Variants in CSF1R observed in about 807,000 individuals in gnomAD.
The protein encoded by CSF1R is colony stimulating factor 1 receptor.
A neutral mutation model predicts 110.0 loss-of-function variants in CSF1R; 40 were observed. The ratio of observed to expected loss-of-function variants is 0.36; its 90% confidence interval spans 0.28 to 0.47. The LOEUF is 0.47. Ranked by LOEUF, CSF1R falls within the 20% of genes least tolerant of loss-of-function variation. CSF1R has a pLI of 0.99. For missense variants in CSF1R, 1,052 were observed against 1,253.0 expected (o/e 0.84, Z 2.42); for synonymous variants, 523 against 503.4 (o/e 1.04, Z -0.52).
At position 150,070,199 on chromosome 5, in the gene CSF1R, G is replaced by A. The variant is rs369184681; in HGVS notation, c.1302C>T (p.Cys434=). ...CCACTTACCTATCAGTGTGGCCACT[G>A]CACTGCAGCCATGTCACGTTGGGCT... ...YPQPNVTWLQ[C]SGHTDRCDEA... is the part of the protein sequence containing the mutation. Residue 434 remains cysteine, a synonymous_variant, in exon 8 of 21, where the codon TGC becomes TGT. Coordinates refer to ENST00000675795, the MANE Select transcript of CSF1R (RefSeq NM_001288705.3). 3.9e-5 allele frequency: 63 copies of A among 1,613,962 alleles called. No individual in the cohort carries two copies. The highest frequency in any genetic ancestry group is 5.2e-5 in the Non-Finnish European group (61 of 1,180,002).
At position 150,060,936 on chromosome 5, in the gene CSF1R, G is replaced by A; in HGVS notation, c.1895C>T (p.Ser632Phe). The change falls in exon 13 of 21, where the codon TCC becomes TTC. Residue 632 changes from serine (S) to phenylalanine (F), a missense_variant. Ser to Phe is a radical substitution (Grantham distance 155). This residue lies in a region of CSF1R where 76 missense variants were observed against 133.6 expected (regional missense o/e 0.57). Coordinates refer to ENST00000675795, the MANE Select transcript of CSF1R (RefSeq NM_001288705.3). ...CAGGTGGCTCATGATCTTCAGCTCG[G>A]ACATGAGGGCCTCCTTCTCATCAGC... ...AHADEKEALM[S>F]ELKIMSHLGQ... 1.9e-6 allele frequency: 3 copies of A among 1,609,436 alleles called. No individual in the cohort carries two copies. Among genetic ancestry groups the A allele is most frequent in the Non-Finnish European group, 2.5e-6 (3 of 1,177,830 alleles).
At chr5:150,088,374 A>G (rs535121321), upstream of CSF1R, among the ~76,000 whole-genome samples, 3 of 152,336 alleles carry the variant, frequency 2.0e-5, no homozygotes, top group Admixed American at 6.5e-5. Flanking sequence ...ATTAATACCA[A>G]TCCTTTTCAA....
chr5:150,053,679 G>GC lies in CSF1R; in HGVS notation c.*389dup. The GC allele has an allele frequency of 3.0e-6, 1 of 338,258 alleles. No individual in the cohort carries two copies. The highest frequency in any genetic ancestry group is 5.5e-6 in the Non-Finnish European group (1 of 181,498). 21.0% of individuals were successfully genotyped at this position (338,258 alleles called of 1,614,324 possible). ...ATCTCACTCTCTGCCAGTCTGTCTA[G>GC]CCCCAAAGAGCCTGGTTTTCTCAGT... On this transcript the variant is annotated 3_prime_UTR_variant, in exon 21 of 21. Coordinates refer to ENST00000675795, the MANE Select transcript of CSF1R (RefSeq NM_001288705.3).
chr5:150,062,691 A>G (rs533368109), intron 10 of CSF1R, among the ~76,000 whole-genome samples: 161 of 152,350 alleles, frequency 1.1e-3, no homozygotes, highest in Non-Finnish European at 1.5e-3. Flanking sequence ...TGAACAGGAC[A>G]AAGTCCCTGC....
chr5:150,107,617 C>G (rs538327859), intron 1 of CSF1R, among the ~76,000 whole-genome samples: 2 of 152,328 alleles, frequency 1.3e-5, no homozygotes, highest in Admixed American at 1.3e-4. Context: ...ACCCTGGAAC[C>G]CAGAGCCAGA....
chr5:150,069,696 G>A (rs1757942999), intron 9 of CSF1R, among the ~76,000 whole-genome samples, 177 bp downstream of exon 9: 1 of 152,108 alleles, frequency 6.6e-6, no homozygotes, highest in Non-Finnish European at 1.5e-5. Context: ...CGGGGGACCT[G>A]CCAGGCAGGA....
chr5:150,054,424 G>T lies in CSF1R; in HGVS notation c.2661C>A (p.Ser887Arg). ...CCAAGGCCCAGCAGGCCTGCATGAT[G>T]CTGTATCTGGGAGATAGGACAGAGG... ...QPAFAPKNIY[S>R]IMQACWALEP... Residue 887 changes from serine to arginine, a missense_variant, in exon 20 of 21, where the codon AGC becomes AGA. Transcript: ENST00000675795. 1 of 1,611,918 alleles carries T rather than the reference G, an allele frequency of 6.2e-7. No individual in the cohort carries two copies. Among genetic ancestry groups the T allele is most frequent in the Non-Finnish European group, 8.5e-7 (1 of 1,178,886 alleles).
intron 5 of CSF1R, among the ~76,000 whole-genome samples, chr5:150,074,280 C>T (rs1317226762): frequency 2.0e-5 from 3 of 147,468 alleles, no homozygotes; most frequent in Admixed American, 6.8e-5. Context: ...GTTTCTATTA[C>T]TTGTATCTGA....
chr5:150,077,230 T>G (rs749335942), intron 5 of CSF1R, 46 bp downstream of exon 5: 5 of 1,612,366 alleles, frequency 3.1e-6, no homozygotes, highest in Non-Finnish European at 3.4e-6. Context: ...CTGCTCACAC[T>G]CCTGCAGGAT....
chr5:150,080,712 A>G (rs1327879589), intron 2 of CSF1R, 55 bp downstream of exon 2: 18 of 1,605,290 alleles, frequency 1.1e-5, no homozygotes, highest in Non-Finnish European at 4.3e-6. Flanking sequence ...TTTAGGGCCC[A>G]TTGTAGTGGG....
At position 150,061,639 on chromosome 5, in the gene CSF1R, C is replaced by T. The variant is rs189032271; in HGVS notation, c.1754-44G>A. The T allele has an allele frequency of 1.8e-4, 289 of 1,613,996 alleles. No homozygotes were observed. The East Asian group carries it at 3.9e-3, about 22-fold the overall frequency. The stretch of plus-strand genomic sequence containing the variant: ...CCTTAAGTCCCTGGGCACCAAAGGG[C>T]CTCTGTCCAAGGGCCCATGGGCTCC... On this transcript the variant is annotated intron_variant, in intron 11 of 20. Coordinates refer to ENST00000675795, the MANE Select transcript of CSF1R (RefSeq NM_001288705.3).
chr5:150,057,156 GACTCTCTCAT>G (rs1160708562), intron 16 of CSF1R, 121 bp downstream of exon 16: 1 of 722,592 alleles, frequency 1.4e-6, no homozygotes, highest in Non-Finnish European at 2.3e-6. Context: ...CTGCCCAAAT[GACTCTCTCAT>G]ACTCTGTCTC....
At chr5:150,082,384 G>T (rs916717714) in intron 1 of CSF1R, among the ~76,000 whole-genome samples, 1 of 152,230 alleles carries the variant, frequency 6.6e-6, no homozygotes, top group Non-Finnish European at 1.5e-5. Context: ...CTTAATTCAC[G>T]TTTTGATTTT....
In CSF1R at chr5:150,068,729, C is replaced by A. The variant is rs144375334; in HGVS notation, c.1511-399G>T. On this transcript the variant is annotated intron_variant, in intron 9 of 20. Coordinates refer to ENST00000675795, the MANE Select transcript of CSF1R (RefSeq NM_001288705.3). ...GAAAGGCCTTCTGGAGGTCACACTG[C>A]AACCTTCCTCTCCTGCATTTCCCCT... is the stretch of plus-strand genomic sequence containing the variant. Among the ~76,000 whole-genome samples the A allele has an allele frequency of 4.0e-3, 608 of 152,314 alleles. 5 individuals are homozygous for A. Among genetic ancestry groups the A allele is most frequent in the African/African-American group, 0.014 (573 of 41,580 alleles).
intron 5 of CSF1R, 158 bp downstream of exon 5, chr5:150,077,118 C>A: frequency 1.1e-6 from 1 of 900,232 alleles, no homozygotes; most frequent in African/African-American, 1.7e-5. Flanking sequence ...GGGAAAGCTC[C>A]TGGAGAGTGG....
chr5:150,112,534 C>T (rs1759753799), intron 1 of CSF1R, among the ~76,000 whole-genome samples: 1 of 152,232 alleles, frequency 6.6e-6, no homozygotes, highest in Non-Finnish European at 1.5e-5. Context: ...GATCTTCTGA[C>T]CTCCAGACAG....
rs924121964 is a variant in CSF1R, at chr5:150,102,541, G to A, written c.-181+10720C>T. 2.0e-5 allele frequency among the ~76,000 whole-genome samples: 3 copies of A among 152,050 alleles called. No homozygotes were observed. The South Asian group carries it at 6.2e-4, about 32-fold the overall frequency. ...ATCACGCAGGCTGGAGTGCAGTGGC[G>A]CAGTCTTGGCTCACTGCAACCTCTG... On this transcript the variant is annotated intron_variant, in intron 1 of 21. Transcript: ENST00000286301.
intron 1 of CSF1R, among the ~76,000 whole-genome samples, chr5:150,084,334 A>G: frequency 6.7e-6 from 1 of 148,164 alleles, no homozygotes. Flanking sequence ...CGGTCTCAAA[A>G]AGATAGAAAA....
Position 150,078,126 on chromosome 5 carries a change from G to T in CSF1R, c.715C>A (p.His239Asn), listed in dbSNP as rs1758354851. ...CAGGGACTGACCTTGGTGTTGTTGTGTTGGAGGAAGACATCAAAGTTAACA... is the reference window on the plus strand; with the variant it reads ...CAGGGACTGACCTTGGTGTTGTTGTTTTGGAGGAAGACATCAAAGTTAACA... ...VDVNFDVFLQ[H>N]NNTKLAIPQQ... is the part of the protein sequence containing the mutation. The change falls in exon 4 of 21, where the codon CAC (histidine) becomes AAC (asparagine). Residue 239 changes from histidine to asparagine, a missense_variant. His to Asn is a moderately conservative substitution (Grantham distance 68). Coordinates refer to ENST00000675795, the MANE Select transcript of CSF1R (RefSeq NM_001288705.3). 6.2e-7 allele frequency: 1 copy of T among 1,614,142 alleles called. No homozygotes were observed. Among genetic ancestry groups the T allele is most frequent in the Non-Finnish European group, 8.5e-7 (1 of 1,180,000 alleles).
Sources: allele counts gnomAD v4.1 joint callset (sites outside exome capture counted in the v4.1 genomes callset), GRCh38; gene constraint gnomAD v4.1.1; regional missense constraint gnomAD v4.1.1; transcripts MANE v1.5; gene names NCBI Gene and HGNC (gene_info 2026-07-23, HGNC 2026-07-21).